The following USP14 variants were observed in gnomAD, a reference collection of about 807,000 sequenced individuals.
USP14 encodes the protein ubiquitin specific peptidase 14, also known as ubiquitin carboxyl-terminal hydrolase 14.
A neutral mutation model predicts 76.5 loss-of-function variants in USP14; 38 were observed. That is an observed-to-expected ratio of 0.50 (90% CI 0.38 to 0.65). The LOEUF (loss-of-function observed/expected upper bound fraction) is 0.65, where lower values mean the gene tolerates loss of function less well. Among genes scored for constraint, USP14 ranks in the 30% least tolerant of loss-of-function variants. The probability of loss-of-function intolerance (pLI) is 0.00; values close to 1 mark genes in which losing one functional copy is unlikely to be tolerated. For synonymous variants in USP14, 192 were observed against 191.7 expected, an observed-to-expected ratio of 1.00 and a Z score of -0.01; for missense variants, 467 against 586.5, an observed-to-expected ratio of 0.80 and a Z score of 2.10.
chr18:164,897 T>A (rs1909225246), intron 2 of USP14, among the ~76,000 whole-genome samples: 1 of 152,208 alleles, frequency 6.6e-6, no homozygotes, highest in Non-Finnish European at 1.5e-5. Flanking sequence ...AATCCATCCC[T>A]GCCAGCATCA....
chr18:162,150 C>CACTT (rs1483563684), intron 1 of USP14, among the ~76,000 whole-genome samples: 1 of 152,150 alleles, frequency 6.6e-6, no homozygotes, highest in Non-Finnish European at 1.5e-5. Context: ...GGTTGATGGA[C>CACTT]ACTTGAGTTG....
intron 7 of USP14, 59 bp downstream of exon 7, chr18:196,826 A>G (rs1480948228): frequency 1.4e-5 from 22 of 1,589,972 alleles, no homozygotes; most frequent in Non-Finnish European, 1.8e-5. Context: ...TCCTACATTT[A>G]CCGTACTTAC....
At chr18:199,387 C>A in intron 10 of USP14, 71 bp downstream of exon 10, 1 of 1,094,462 alleles carries the variant, frequency 9.1e-7, no homozygotes. Flanking sequence ...AGTCATTATT[C>A]ACTGGGCTTT....
At chr18:168,811 G>T (rs1375416131) in intron 3 of USP14, among the ~76,000 whole-genome samples, 1 of 151,648 alleles carries the variant, frequency 6.6e-6, no homozygotes, top group African/African-American at 2.4e-5. Flanking sequence ...GGTGGCTCAC[G>T]CCTGTAATCC....
At position 180,356 on chromosome 18, in the gene USP14, T is replaced by G; in HGVS notation, c.404+17T>G. The G allele has an allele frequency of 6.5e-7, 1 of 1,532,218 alleles. No individual in the cohort carries two copies. Among genetic ancestry groups the G allele is most frequent in the Non-Finnish European group, 8.9e-7 (1 of 1,121,766 alleles). The allele number at this position is 1,532,218 out of a possible 1,614,324, so 94.9% of individuals were successfully genotyped here. A position where few individuals can be genotyped will look rare whatever the true frequency, so the allele number is the denominator to read the frequency against. On this transcript the variant is annotated intron_variant, in intron 5 of 15. Coordinates refer to ENST00000261601, the MANE Select transcript of USP14 (RefSeq NM_005151.4). ...CCTTAAAAGGTAAGACTGCAGTCTTTTTTGGGTAAGGGATGTTCACATTTG... is the reference window on the plus strand; with the variant it reads ...CCTTAAAAGGTAAGACTGCAGTCTTGTTTGGGTAAGGGATGTTCACATTTG...
chr18:197,811 A>G (rs1025745967), intron 8 of USP14, 115 bp downstream of exon 8: 1 of 796,934 alleles, frequency 1.3e-6, no homozygotes, highest in Non-Finnish European at 1.9e-6. Context: ...ATGTGTATTT[A>G]AATACTTTAG....
At chr18:179,777 T>G (rs1400549815) in intron 4 of USP14, among the ~76,000 whole-genome samples, 2 of 151,102 alleles carry the variant, frequency 1.3e-5, no homozygotes, top group African/African-American at 2.4e-5. Flanking sequence ...TTTTTTTTTT[T>G]TTTTGTAGAG....
chr18:176,022 C>G (rs574077704), intron 3 of USP14, among the ~76,000 whole-genome samples: 1 of 151,888 alleles, frequency 6.6e-6, no homozygotes, highest in Admixed American at 6.6e-5. Context: ...TTGTCATATT[C>G]TACTGTTATT....
intron 5 of USP14, among the ~76,000 whole-genome samples, chr18:191,324 A>C (rs1046531396): frequency 6.6e-6 from 1 of 152,192 alleles, no homozygotes; most frequent in Non-Finnish European, 1.5e-5. Context: ...GAAAAAGGGA[A>C]AAACAAAATC....
At chr18:192,011 TTAAG>T (rs1233526164) in intron 5 of USP14, among the ~76,000 whole-genome samples, 1 of 136,306 alleles carries the variant, frequency 7.3e-6, no homozygotes, top group Non-Finnish European at 1.5e-5. Flanking sequence ...CTGTTGTAAA[TTAAG>T]TGAGGATCAT....
rs758863024 is a variant in USP14, at chr18:213,236, CTG to C, written c.*1954_*1955del. On this transcript the variant is annotated 3_prime_UTR_variant, in exon 16 of 16. Transcript: ENST00000261601. ...AACAATTAGAATTTAGATTTTCTGACTGTAGCTACTAAATGTTGTAGCTACTA... is the reference window on the plus strand; with the variant it reads ...AACAATTAGAATTTAGATTTTCTGACTAGCTACTAAATGTTGTAGCTACTA... 6.6e-6 allele frequency: 1 copy of C among 152,158 alleles called. No homozygotes were observed. Among genetic ancestry groups the C allele is most frequent in the Non-Finnish European group, 1.5e-5 (1 of 68,034 alleles). 9.4% of individuals were successfully genotyped at this position (152,158 alleles called of 1,614,324 possible).
chr18:207,523 A>T (rs1442880748), intron 13 of USP14, among the ~76,000 whole-genome samples: 1 of 144,434 alleles, frequency 6.9e-6, no homozygotes, highest in Non-Finnish European at 1.6e-5. Context: ...CACAAAAAAT[A>T]CAGAAATTAG....
chr18:171,025 A>ATATATAT (rs1555762344), intron 3 of USP14, among the ~76,000 whole-genome samples: 72 of 47,616 alleles, frequency 1.5e-3, no homozygotes, highest in South Asian at 3.6e-3. Context: ...AAAAAAAAAA[A>ATATATAT]ATATATATAT....
intron 5 of USP14, among the ~76,000 whole-genome samples, chr18:182,937 GTGTGGACTTCGTGT>G (rs1288858788): frequency 2.0e-5 from 3 of 152,236 alleles, no homozygotes; most frequent in Non-Finnish European, 4.4e-5. Flanking sequence ...TTTTTAAGAA[GTGTGGACTTCGTGT>G]TGTGGGCGAA....
intron 6 of USP14, among the ~76,000 whole-genome samples, chr18:193,198 C>T (rs769461052): frequency 3.9e-5 from 6 of 151,928 alleles, no homozygotes; most frequent in African/African-American, 4.8e-5. Flanking sequence ...TAGCCAGCGA[C>T]GGGTTTTATC....
chr18:196,080 T>TG (rs1375964755), intron 6 of USP14, among the ~76,000 whole-genome samples: 1 of 151,958 alleles, frequency 6.6e-6, no homozygotes, highest in Non-Finnish European at 1.5e-5. Context: ...CCCAGCACTT[T>TG]GGGAGGCCGA....
At chr18:195,856 C>T (rs948938272) in intron 6 of USP14, among the ~76,000 whole-genome samples, 1 of 152,100 alleles carries the variant, frequency 6.6e-6, no homozygotes, top group Non-Finnish European at 1.5e-5. Flanking sequence ...ATTAAAACAC[C>T]CTGCTTTGTT....
chr18:201,520 T>A (rs543584949), intron 10 of USP14, among the ~76,000 whole-genome samples: 35 of 152,346 alleles, frequency 2.3e-4, no homozygotes, highest in Admixed American at 3.9e-4. Flanking sequence ...CGCTCTGTCT[T>A]ATGATACCGA....
intron 3 of USP14, among the ~76,000 whole-genome samples, chr18:173,262 C>T (rs997603333): frequency 1.8e-4 from 28 of 152,014 alleles, no homozygotes; most frequent in Admixed American, 1.4e-3. Flanking sequence ...TGCCTGCCAC[C>T]ACACCCGGCT....
Sources: gnomAD v4.1 joint callset for allele counts (sites outside exome capture counted in the v4.1 genomes callset) on GRCh38, gnomAD v4.1.1 for gene constraint, MANE v1.5 for transcripts, NCBI Gene and HGNC (gene_info 2026-07-23, HGNC 2026-07-21) for gene names.